BSPH1: variants seen among roughly 807,000 people sequenced by gnomAD.
BSPH1 encodes the protein binder of sperm 1.
Under a neutral mutation model 22.5 loss-of-function variants are expected in BSPH1, and 21 were observed. The ratio of observed to expected loss-of-function variants is 0.93; its 90% CI spans 0.66 to 1.35. The LOEUF is 1.35. Among genes scored for constraint, BSPH1 ranks in the 40% most tolerant of loss-of-function variants. The pLI, the probability that BSPH1 is intolerant of heterozygous loss-of-function variation, is 0.00. For missense variants in BSPH1, 141 were observed against 154.2 expected (o/e 0.91, Z 0.45); for synonymous variants, 42 against 53.6 (o/e 0.78, Z 0.95).
chr19:47,973,915 A>G (rs778781150), intron 5 of BSPH1, among the ~76,000 whole-genome samples: 13 of 152,164 alleles, frequency 8.5e-5, no homozygotes, highest in Middle Eastern at 3.4e-3. Context: ...CACATACTCT[A>G]TCCTTAGCAC....
intron 5 of BSPH1, among the ~76,000 whole-genome samples, chr19:47,975,585 C>T (rs1044067141): frequency 6.6e-6 from 1 of 152,190 alleles, no homozygotes; most frequent in South Asian, 2.1e-4. Context: ...GTATTCCTAC[C>T]TCAGGTATCA....
intron 5 of BSPH1, among the ~76,000 whole-genome samples, chr19:47,976,305 T>A (rs1969362184): frequency 1.3e-5 from 2 of 152,240 alleles, no homozygotes; most frequent in East Asian, 1.9e-4. Context: ...TTTAAATTTT[T>A]TCTTTTGTAG....
rs60479043 is a variant in BSPH1 at position 47,972,988 on chromosome 19, C to G, written c.*2+3722G>C. ...ATCCCAGCACTTTGGGAGGCCGAGGCGGGTGGATCACGAGGTCAGGAGATC... is the reference window on the plus strand; with the variant it reads ...ATCCCAGCACTTTGGGAGGCCGAGGGGGGTGGATCACGAGGTCAGGAGATC... On this transcript the variant is annotated intron_variant, in intron 5 of 5. Transcript: ENST00000344839. 5.6e-3 allele frequency among the ~76,000 whole-genome samples: 853 copies of G among 151,574 alleles called. 8 individuals are homozygous for G. Among genetic ancestry groups the G allele is most frequent in the African/African-American group, 0.02 (813 of 41,342 alleles).
chr19:47,969,696 A>AGAGAGAGAGAGAGAGAGAGAGAGAGAGG (rs1969292380), intron 5 of BSPH1, among the ~76,000 whole-genome samples: 1 of 145,158 alleles, frequency 6.9e-6, no homozygotes, highest in Non-Finnish European at 1.5e-5. Context: ...AGAGAGAGAG[A>AGAGAGAGAGAGAGAGAGAGAGAGAGAGG]GAGAGAGAGA....
At chr19:47,972,536 A>C (rs1483889545) in intron 5 of BSPH1, among the ~76,000 whole-genome samples, 25 of 152,138 alleles carry the variant, frequency 1.6e-4, no homozygotes, top group Non-Finnish European at 4.4e-5. Context: ...GACAGCATGC[A>C]GTATTTGGTA....
intron 1 of BSPH1, chr19:47,981,688 G>A: frequency 1.2e-6 from 1 of 848,450 alleles, no homozygotes; most frequent in South Asian, 5.4e-5. Flanking sequence ...CTGTAAAATG[G>A]AGAGAGAACA....
At chr19:47,969,188 C>T (rs1969286407) in intron 5 of BSPH1, among the ~76,000 whole-genome samples, 1 of 151,870 alleles carries the variant, frequency 6.6e-6, no homozygotes. Context: ...CTTGGTAAAA[C>T]TTGTAAATTA....
At chr19:47,989,889 T>C (rs1276747196) in intron 1 of BSPH1, among the ~76,000 whole-genome samples, 1 of 151,830 alleles carries the variant, frequency 6.6e-6, no homozygotes, top group Non-Finnish European at 1.5e-5. Flanking sequence ...GAGGCTGAGG[T>C]GGGTGAATCA....
intron 1 of BSPH1, among the ~76,000 whole-genome samples, chr19:47,988,071 C>T (rs1417383141): frequency 6.6e-6 from 1 of 151,792 alleles, no homozygotes; most frequent in Admixed American, 6.6e-5. Flanking sequence ...AGAGAAAATC[C>T]TGCCGTTTTC....
At chr19:47,978,873 A>C (rs1215606083) in intron 3 of BSPH1, among the ~76,000 whole-genome samples, 1 of 152,268 alleles carries the variant, frequency 6.6e-6, no homozygotes, top group African/African-American at 2.4e-5. Context: ...ATATGATGCC[A>C]AAGGGCAATG....
intron 5 of BSPH1, among the ~76,000 whole-genome samples, chr19:47,974,298 C>T (rs1312084431): frequency 1.6e-5 from 2 of 123,438 alleles, no homozygotes; most frequent in African/African-American, 6.6e-5. Flanking sequence ...GAGATGGAGT[C>T]TTGCTCTGTC....
At chr19:47,971,317 T>C (rs2122237891) in intron 5 of BSPH1, among the ~76,000 whole-genome samples, 1 of 152,338 alleles carries the variant, frequency 6.6e-6, no homozygotes, top group Non-Finnish European at 1.5e-5. Flanking sequence ...GCGATTCTCC[T>C]GCCTCAGCCT....
intron 3 of BSPH1, among the ~76,000 whole-genome samples, chr19:47,978,028 A>ATATATATATG (rs1353668600): frequency 7.4e-6 from 1 of 135,360 alleles, no homozygotes; most frequent in African/African-American, 2.8e-5. Flanking sequence ...ATATATATAT[A>ATATATATATG]TAGTTATAGG....
intron 1 of BSPH1, among the ~76,000 whole-genome samples, chr19:47,991,518 C>T (rs1701243169): frequency 7.7e-6 from 1 of 130,054 alleles, no homozygotes; most frequent in African/African-American, 3.0e-5. Context: ...CCCTCCTTTT[C>T]CTCCCCTCCT....
At chr19:47,984,733 A>T (rs1969452933) in intron 1 of BSPH1, among the ~76,000 whole-genome samples, 1 of 152,158 alleles carries the variant, frequency 6.6e-6, no homozygotes, top group African/African-American at 2.4e-5. Context: ...AACAATAGGC[A>T]CTGGGGATTA....
At chr19:47,973,361 T>C (rs1198543025) in intron 5 of BSPH1, among the ~76,000 whole-genome samples, 17 of 152,146 alleles carry the variant, frequency 1.1e-4, no homozygotes. Context: ...AACAGTCTCC[T>C]GTCATTTTAT....
At chr19:47,987,072 G>A (rs1023001707) in intron 1 of BSPH1, among the ~76,000 whole-genome samples, 2 of 152,170 alleles carry the variant, frequency 1.3e-5, no homozygotes, top group East Asian at 1.9e-4. Context: ...GGGCCAACCC[G>A]TATCCATTGT....
intron 5 of BSPH1, among the ~76,000 whole-genome samples, chr19:47,975,257 C>T (rs79944343): frequency 0.047 from 7,088 of 152,246 alleles, 360 homozygotes; most frequent in East Asian, 0.21. Flanking sequence ...TCTCGAACTC[C>T]AGGGCTCAAG....
At chr19:47,978,706 C>CT (rs1260648123) in intron 3 of BSPH1, among the ~76,000 whole-genome samples, 2 of 152,224 alleles carry the variant, frequency 1.3e-5, no homozygotes, top group Non-Finnish European at 2.9e-5. Context: ...CATTTACACA[C>CT]TTTAAAAATG....
Sources: allele counts gnomAD v4.1 joint callset (sites outside exome capture counted in the v4.1 genomes callset), GRCh38; gene constraint gnomAD v4.1.1; transcripts MANE v1.5; gene names NCBI Gene and HGNC (gene_info 2026-07-23, HGNC 2026-07-21).